CBLB: variants seen among roughly 807,000 people sequenced by gnomAD.
CBLB encodes Cbl proto-oncogene B, also known as E3 ubiquitin-protein ligase CBL-B.
In CBLB, 31 loss-of-function variants were observed where a neutral mutation model predicts 104.9. The observed-to-expected ratio is 0.30, with a 90% CI of 0.22 to 0.40. CBLB has a LOEUF of 0.40. Ranked by LOEUF, CBLB falls within the 10% of genes least tolerant of loss-of-function variation. The probability of loss-of-function intolerance (pLI) is 1.00; values close to 1 mark genes in which losing one functional copy is unlikely to be tolerated. For synonymous variants in CBLB, 440 were observed against 422.6 expected (o/e 1.04, Z -0.51); for missense variants, 1,062 against 1,214.6 (o/e 0.87, Z 1.87).
intron 12 of CBLB, among the ~76,000 whole-genome samples, chr3:105,695,056 G>C (rs1559851038): frequency 6.6e-6 from 1 of 151,786 alleles, no homozygotes; most frequent in Non-Finnish European, 1.5e-5. Flanking sequence ...TTCTTCATTG[G>C]AATTCTTTGC....
intron 4 of CBLB, among the ~76,000 whole-genome samples, chr3:105,763,543 A>T (rs1354538405): frequency 2.0e-5 from 3 of 152,220 alleles, no homozygotes; most frequent in African/African-American, 7.2e-5. Flanking sequence ...CTGCCACGTA[A>T]GAAGTGCCTT....
Position 105,778,161 on chromosome 3 carries a change from G to T in CBLB, c.420-1619C>A, listed in dbSNP as rs76731400. Among the ~76,000 whole-genome samples the T allele has an allele frequency of 2.2e-3, 336 of 152,136 alleles. 2 individuals carry two copies. The highest frequency in any genetic ancestry group is 7.9e-3 in the African/African-American group (326 of 41,518). On this transcript the variant is annotated intron_variant, in intron 3 of 18. Coordinates refer to ENST00000394030, the MANE Select transcript of CBLB (RefSeq NM_170662.5). Reference sequence around the variant, plus strand: ...TGTATGTGTGTGTGTTGGGATGTGAGTGGAGGCAAGTGTGTTAGGACTCAA... The same window carrying T: ...TGTATGTGTGTGTGTTGGGATGTGATTGGAGGCAAGTGTGTTAGGACTCAA...
chr3:105,756,183 A>G (rs574170594), intron 4 of CBLB, among the ~76,000 whole-genome samples: 8 of 152,340 alleles, frequency 5.3e-5, no homozygotes, highest in African/African-American at 1.9e-4. Flanking sequence ...GAATCAATGA[A>G]AACCACAAAG....
chr3:105,768,216 C>A (rs999464172), intron 4 of CBLB, among the ~76,000 whole-genome samples: 1 of 151,580 alleles, frequency 6.6e-6, no homozygotes, highest in Non-Finnish European at 1.5e-5. Context: ...CAGAGCTTAG[C>A]GAAGTTTAAG....
chr3:105,658,420 G>C lies in CBLB; in HGVS notation c.*550C>G. 4.5e-6 allele frequency: 1 copy of C among 223,986 alleles called. No individual in the cohort carries two copies. The highest frequency in any genetic ancestry group is 6.5e-5 in the East Asian group (1 of 15,306). The allele number at this position is 223,986 out of a possible 1,614,324, so 13.9% of individuals were successfully genotyped here. On this transcript the variant is annotated 3_prime_UTR_variant, in exon 19 of 19. Transcript: ENST00000394030. ...TTTTTTTTTTGCATTAGTTTGATCA[G>C]TTGAAAATCAGAACCTTCAAAGCAT...
intron 3 of CBLB, among the ~76,000 whole-genome samples, chr3:105,847,027 G>A (rs1241610904): frequency 6.6e-6 from 1 of 152,108 alleles, no homozygotes; most frequent in East Asian, 1.9e-4. Context: ...AGGAAAGAAA[G>A]TAGGTTTGTT....
chr3:105,742,482 A>C (rs2075702363), intron 6 of CBLB, among the ~76,000 whole-genome samples: 1 of 152,200 alleles, frequency 6.6e-6, no homozygotes, highest in African/African-American at 2.4e-5. Context: ...AAGTCTAAAA[A>C]CATATATCCC....
At chr3:105,678,319 CT>C in intron 17 of CBLB, 111 bp downstream of exon 17, 8 of 1,067,002 alleles carry the variant, frequency 7.5e-6, no homozygotes, top group Non-Finnish European at 1.1e-5. Context: ...AGGGATTTTT[CT>C]GTTCTGCTAG....
chr3:105,684,057 A>G (rs1576317919), intron 14 of CBLB, among the ~76,000 whole-genome samples: 1 of 152,348 alleles, frequency 6.6e-6, no homozygotes, highest in African/African-American at 2.4e-5. Context: ...AGAAGGGAAC[A>G]CTGTACTTAT....
intron 4 of CBLB, among the ~76,000 whole-genome samples, chr3:105,775,292 T>G (rs575208309): frequency 1.6e-4 from 24 of 152,094 alleles, no homozygotes; most frequent in Non-Finnish European, 2.8e-4. Context: ...CTTAATGAAA[T>G]GTACATTACT....
intron 3 of CBLB, among the ~76,000 whole-genome samples, chr3:105,823,509 A>G (rs2086159959): frequency 6.6e-6 from 1 of 152,228 alleles, no homozygotes; most frequent in Non-Finnish European, 1.5e-5. Context: ...CAAAATAATC[A>G]GTTTAAGAAA....
intron 2 of CBLB, among the ~76,000 whole-genome samples, chr3:105,858,104 A>C (rs936872303): frequency 6.6e-6 from 1 of 152,204 alleles, no homozygotes; most frequent in Non-Finnish European, 1.5e-5. Context: ...GAGAGATCTG[A>C]AATAGGCCAG....
At chr3:105,750,063 G>A (rs879734996) in intron 5 of CBLB, among the ~76,000 whole-genome samples, 1 of 151,042 alleles carries the variant, frequency 6.6e-6, no homozygotes, top group Non-Finnish European at 1.5e-5. Flanking sequence ...CTGTTGCCCA[G>A]GCTGGAGTGC....
At chr3:105,718,726 G>A (rs1204124347) in intron 10 of CBLB, among the ~76,000 whole-genome samples, 3 of 152,124 alleles carry the variant, frequency 2.0e-5, no homozygotes, top group South Asian at 2.1e-4. Context: ...ACTCAGCGGC[G>A]GTAAGTATCA....
intron 13 of CBLB, among the ~76,000 whole-genome samples, chr3:105,691,376 A>T (rs2067673338): frequency 6.6e-6 from 1 of 152,226 alleles, no homozygotes; most frequent in African/African-American, 2.4e-5. Flanking sequence ...AGAAAGTATG[A>T]CTAATTTTAG....
chr3:105,862,111 C>A (rs752539479), intron 2 of CBLB, among the ~76,000 whole-genome samples: 1 of 152,136 alleles, frequency 6.6e-6, no homozygotes, highest in African/African-American at 2.4e-5. Flanking sequence ...CCCCAGAATT[C>A]AATTATCTGA....
chr3:105,798,596 CT>C (rs1455035394), intron 3 of CBLB, among the ~76,000 whole-genome samples: 2 of 152,184 alleles, frequency 1.3e-5, no homozygotes, highest in Non-Finnish European at 2.9e-5. Flanking sequence ...AGTGATCACA[CT>C]GTTTGGTGGT....
chr3:105,662,195 C>T (rs2063852823), intron 18 of CBLB, among the ~76,000 whole-genome samples: 3 of 152,162 alleles, frequency 2.0e-5, no homozygotes, highest in Non-Finnish European at 2.9e-5. Flanking sequence ...CCAGACGCAG[C>T]CTTCACTTTC....
intron 3 of CBLB, among the ~76,000 whole-genome samples, chr3:105,779,043 A>C (rs1291837771): frequency 1.3e-5 from 2 of 152,216 alleles, no homozygotes; most frequent in Admixed American, 6.5e-5. Context: ...CAATTGATAC[A>C]TACAAAAGAA....
Sources: allele counts gnomAD v4.1 joint callset (sites outside exome capture counted in the v4.1 genomes callset), GRCh38; gene constraint gnomAD v4.1.1; transcripts MANE v1.5; gene names NCBI Gene and HGNC (gene_info 2026-07-23, HGNC 2026-07-21).